The following HIGD1C variants were observed in gnomAD, a reference collection of about 807,000 sequenced individuals.
HIGD1C encodes the protein HIG1 domain family member 1C.
Under a neutral mutation model 13.1 loss-of-function variants are expected in HIGD1C, and 11 were observed. The observed-to-expected ratio is 0.84, with a 90% CI of 0.53 to 1.39. HIGD1C has a LOEUF of 1.39. HIGD1C is among the 40% of genes most tolerant of loss of function. The pLI is 0.00. For missense variants in HIGD1C, 110 were observed against 112.0 expected (o/e 0.98, Z 0.08); for synonymous variants, 36 against 37.7 (o/e 0.95, Z 0.17).
upstream of HIGD1C, among the ~76,000 whole-genome samples, chr12:50,951,778 C>T (rs567402054): frequency 3.0e-4 from 46 of 151,842 alleles, no homozygotes; most frequent in African/African-American, 8.2e-4. Context: ...AAAAATTAGC[C>T]GGGCGTGGTG....
downstream of HIGD1C, among the ~76,000 whole-genome samples, chr12:50,972,532 G>C (rs948033220): frequency 3.9e-5 from 6 of 152,228 alleles, no homozygotes; most frequent in African/African-American, 1.4e-4. Flanking sequence ...TGGCCGAATA[G>C]GAACAGCTCC....
chr12:50,932,760 T>C, the HIGD1C span, among the ~76,000 whole-genome samples: 3 of 152,216 alleles, frequency 2.0e-5, no homozygotes, highest in Non-Finnish European at 2.9e-5. Context: ...AGTCTAACGA[T>C]CCCATTTGTG....
At chr12:50,968,446 G>A (rs543811969) in intron 2 of HIGD1C, among the ~76,000 whole-genome samples, 11 of 152,168 alleles carry the variant, frequency 7.2e-5, no homozygotes, top group Admixed American at 4.6e-4. Context: ...GCGTGCAGTG[G>A]CGTGATCACG....
intron 1 of HIGD1C, among the ~76,000 whole-genome samples, chr12:50,959,886 G>C (rs1387276303): frequency 6.6e-6 from 1 of 152,070 alleles, no homozygotes; most frequent in African/African-American, 2.4e-5. Context: ...CTGACCTCAA[G>C]TGATCCACCC....
chr12:50,969,375 T>C (rs1041941414), intron 2 of HIGD1C, among the ~76,000 whole-genome samples: 2 of 152,058 alleles, frequency 1.3e-5, no homozygotes, highest in Non-Finnish European at 2.9e-5. Flanking sequence ...TCTGGAAAGT[T>C]TGGAGACCAC....
At chr12:50,936,485 C>T in the HIGD1C span, among the ~76,000 whole-genome samples, 1 of 152,174 alleles carries the variant, frequency 6.6e-6, no homozygotes, top group Non-Finnish European at 1.5e-5. Context: ...CCCCATTTGA[C>T]AAATGAGAAA....
chr12:50,969,671 C>T (rs1939685549), intron 2 of HIGD1C, among the ~76,000 whole-genome samples: 1 of 149,844 alleles, frequency 6.7e-6, no homozygotes, highest in Admixed American at 6.7e-5. Flanking sequence ...TGTACCACTC[C>T]AGCCTGGGTG....
At chr12:50,956,293 G>A (rs905116789) in intron 1 of HIGD1C, among the ~76,000 whole-genome samples, 5 of 152,186 alleles carry the variant, frequency 3.3e-5, no homozygotes, top group Non-Finnish European at 7.4e-5. Flanking sequence ...TCAGGAGGCT[G>A]AGGCGGGAGA....
At chr12:50,969,092 C>T (rs777315513) in intron 2 of HIGD1C, among the ~76,000 whole-genome samples, 4 of 151,492 alleles carry the variant, frequency 2.6e-5, no homozygotes, top group East Asian at 4.0e-4. Flanking sequence ...GTCAGGAGTT[C>T]GAGACCAGCC....
chr12:50,963,164 G>A (rs183348801), intron 2 of HIGD1C, among the ~76,000 whole-genome samples: 2 of 151,990 alleles, frequency 1.3e-5, no homozygotes, highest in Non-Finnish European at 2.9e-5. Context: ...GAGGTCAGGA[G>A]TTTGAGACAA....
At chr12:50,937,697 C>A in the HIGD1C span, among the ~76,000 whole-genome samples, 1 of 152,150 alleles carries the variant, frequency 6.6e-6, no homozygotes, top group East Asian at 1.9e-4. Context: ...CAGAAGAGAG[C>A]TTCACTGAGC....
At chr12:50,947,688 G>A in the HIGD1C span, among the ~76,000 whole-genome samples, 1 of 152,152 alleles carries the variant, frequency 6.6e-6, no homozygotes, top group African/African-American at 2.4e-5. Flanking sequence ...GACATTTCTG[G>A]GAGTGGTGAA....
the HIGD1C span, among the ~76,000 whole-genome samples, chr12:50,948,031 C>T: frequency 1.3e-5 from 2 of 152,180 alleles, no homozygotes; most frequent in African/African-American, 2.4e-5. Flanking sequence ...TACAAGGGAA[C>T]AAAATACTGC....
chr12:50,965,757 T>G (rs1939516904), intron 2 of HIGD1C, among the ~76,000 whole-genome samples: 1 of 152,204 alleles, frequency 6.6e-6, no homozygotes, highest in Admixed American at 6.5e-5. Context: ...CCTTCCTTGG[T>G]GAACAGGTAC....
At chr12:50,972,196 T>C (rs1364078321), downstream of HIGD1C, among the ~76,000 whole-genome samples, 1 of 152,150 alleles carries the variant, frequency 6.6e-6, no homozygotes, top group African/African-American at 2.4e-5. Context: ...ACTGGAAATA[T>C]TCTACCTTCT....
At chr12:50,940,723 A>G in the HIGD1C span, among the ~76,000 whole-genome samples, 1 of 95,848 alleles carries the variant, frequency 1.0e-5, no homozygotes, top group Non-Finnish European at 2.3e-5. Context: ...ACCCCATCTC[A>G]AAAAAAAAAA....
the HIGD1C span, among the ~76,000 whole-genome samples, chr12:50,945,543 A>T: frequency 1.3e-5 from 2 of 152,266 alleles, no homozygotes; most frequent in African/African-American, 4.8e-5. Flanking sequence ...GGACCTCTCC[A>T]AGGAGAACTA....
chr12:50,931,544 T>C, the HIGD1C span: 1 of 126,108 alleles, frequency 7.9e-6, no homozygotes, highest in African/African-American at 3.0e-5. Context: ...CTACTAAAGA[T>C]ACAAAAAAAA....
intron 2 of HIGD1C, among the ~76,000 whole-genome samples, chr12:50,963,326 C>T (rs1156276786): frequency 1.4e-5 from 2 of 139,534 alleles, no homozygotes; most frequent in South Asian, 2.3e-4. Context: ...ACCAAAACCA[C>T]GCCACTGCAC....
Sources: gnomAD v4.1 joint callset for allele counts (sites outside exome capture counted in the v4.1 genomes callset) on GRCh38, gnomAD v4.1.1 for gene constraint, MANE v1.5 for transcripts, NCBI Gene and HGNC (gene_info 2026-07-23, HGNC 2026-07-21) for gene names.